FRMD4B: variants seen among roughly 807,000 people sequenced by gnomAD.
The protein encoded by FRMD4B is FERM domain-containing protein 4B.
In FRMD4B, 74 loss-of-function variants were observed where a neutral mutation model predicts 141.5. The ratio of observed to expected loss-of-function variants is 0.52; its 90% CI spans 0.43 to 0.63. The LOEUF (loss-of-function observed/expected upper bound fraction) is 0.63. Ranked by LOEUF, FRMD4B falls within the 30% of genes least tolerant of loss-of-function variation. The probability of loss-of-function intolerance (pLI) is 0.00; values close to 1 mark genes in which losing one functional copy is unlikely to be tolerated. For missense variants in FRMD4B, 1,366 were observed against 1,253.4 expected, an observed-to-expected ratio of 1.09 and a Z score of -1.36; for synonymous variants, 506 against 467.9, an observed-to-expected ratio of 1.08 and a Z score of -1.05.
intron 1 of FRMD4B, among the ~76,000 whole-genome samples, chr3:69,496,651 G>A (rs796818553): frequency 7.0e-6 from 1 of 143,310 alleles, no homozygotes; most frequent in Non-Finnish European, 1.6e-5. Context: ...GAGAGAGAGA[G>A]AGAGAGAGAG....
intron 4 of FRMD4B, among the ~76,000 whole-genome samples, chr3:69,293,592 C>A: frequency 6.6e-6 from 1 of 151,892 alleles, no homozygotes; most frequent in Admixed American, 6.6e-5. Flanking sequence ...AATAAAAATT[C>A]CAAGTATCTG....
chr3:69,522,590 C>A (rs1000970751), intron 1 of FRMD4B, among the ~76,000 whole-genome samples: 1 of 152,110 alleles, frequency 6.6e-6, no homozygotes, highest in Non-Finnish European at 1.5e-5. Context: ...TTCCATCAGG[C>A]TTCAGATGAC....
At chr3:69,300,365 G>A (rs771608028) in intron 4 of FRMD4B, among the ~76,000 whole-genome samples, 1 of 152,212 alleles carries the variant, frequency 6.6e-6, no homozygotes, top group Non-Finnish European at 1.5e-5. Flanking sequence ...CATGCAAGTA[G>A]TTAGGGGAAA....
intron 7 of FRMD4B, among the ~76,000 whole-genome samples, chr3:69,229,238 C>A (rs185372584): frequency 1.2e-3 from 182 of 152,142 alleles, no homozygotes; most frequent in African/African-American, 3.9e-3. Flanking sequence ...GTTGACCTGG[C>A]TGATCTCAAA....
At chr3:69,465,410 A>G (rs1705767279) in intron 1 of FRMD4B, among the ~76,000 whole-genome samples, 1 of 151,646 alleles carries the variant, frequency 6.6e-6, no homozygotes, top group Non-Finnish European at 1.5e-5. Context: ...TAAAATTATT[A>G]TTATACTTTA....
chr3:69,437,574 A>G (rs1705278308), intron 1 of FRMD4B, among the ~76,000 whole-genome samples: 1 of 141,356 alleles, frequency 7.1e-6, no homozygotes, highest in Non-Finnish European at 1.5e-5. Context: ...GTACTATTAT[A>G]TATCAGTATA....
intron 1 of FRMD4B, among the ~76,000 whole-genome samples, chr3:69,514,064 C>A (rs1172608542): frequency 6.6e-6 from 1 of 151,860 alleles, no homozygotes; most frequent in Non-Finnish European, 1.5e-5. Flanking sequence ...AGCAATTAGG[C>A]AAGAAAAAGA....
intron 1 of FRMD4B, among the ~76,000 whole-genome samples, chr3:69,465,574 C>T (rs967044619): frequency 1.3e-4 from 20 of 150,848 alleles, no homozygotes; most frequent in African/African-American, 4.6e-4. Context: ...CGGTGTGTGA[C>T]GTTCCCCACC....
At chr3:69,200,454 A>G in intron 11 of FRMD4B, 1 of 993,286 alleles carries the variant, frequency 1.0e-6, no homozygotes, top group Non-Finnish European at 1.2e-6. Flanking sequence ...ATGTGAGGAA[A>G]AACCTCAGGG....
chr3:69,326,259 T>A (rs1415359842), intron 1 of FRMD4B, among the ~76,000 whole-genome samples: 2 of 152,022 alleles, frequency 1.3e-5, no homozygotes, highest in Non-Finnish European at 2.9e-5. Context: ...GCCCAGCCTC[T>A]TCTACATTAT....
chr3:69,246,184 G>T (rs563815779), intron 7 of FRMD4B, among the ~76,000 whole-genome samples: 1 of 152,256 alleles, frequency 6.6e-6, no homozygotes, highest in East Asian at 1.9e-4. Context: ...GGCAGGGTGC[G>T]ATGGCTTGCA....
intron 20 of FRMD4B, among the ~76,000 whole-genome samples, 174 bp from the exon 21 acceptor site, chr3:69,181,884 T>C (rs993903697): frequency 6.6e-6 from 1 of 152,094 alleles, no homozygotes; most frequent in South Asian, 2.1e-4. Context: ...TTGGCTCACA[T>C]GTAGGTTCAT....
At chr3:69,182,922 C>A (rs1174874229) in intron 19 of FRMD4B, among the ~76,000 whole-genome samples, 1 of 151,960 alleles carries the variant, frequency 6.6e-6, no homozygotes, top group Non-Finnish European at 1.5e-5. Context: ...CTTTCTGAGT[C>A]ACAAATATGT....
At chr3:69,302,486 C>T in intron 3 of FRMD4B, 51 bp from the exon 4 acceptor site, 1 of 1,081,896 alleles carries the variant, frequency 9.2e-7, no homozygotes, top group Non-Finnish European at 1.4e-6. Flanking sequence ...CAGAAAAGTT[C>T]AACAACGTAC....
intron 1 of FRMD4B, among the ~76,000 whole-genome samples, chr3:69,497,685 T>C (rs1706424878): frequency 1.3e-5 from 2 of 152,140 alleles, no homozygotes; most frequent in Admixed American, 1.3e-4. Context: ...AACTATAATT[T>C]TTACCATTAC....
At chr3:69,535,967 G>C (rs1224991443) in intron 1 of FRMD4B, 2 of 383,874 alleles carry the variant, frequency 5.2e-6, no homozygotes, top group Non-Finnish European at 1.0e-5. Context: ...CTCCTTGGCT[G>C]CTCCTGCTGC....
At chr3:69,333,415 A>G (rs532386489) in intron 1 of FRMD4B, among the ~76,000 whole-genome samples, 1 of 152,328 alleles carries the variant, frequency 6.6e-6, no homozygotes, top group African/African-American at 2.4e-5. Context: ...TGAACCTGGA[A>G]AAGTCAAATG....
intron 1 of FRMD4B, among the ~76,000 whole-genome samples, chr3:69,483,715 T>C (rs929141515): frequency 2.6e-5 from 4 of 152,106 alleles, no homozygotes; most frequent in Non-Finnish European, 5.9e-5. Flanking sequence ...CTTCTAAAAA[T>C]AAAAGGCAAT....
rs774316609 is a variant in FRMD4B, at chr3:69,427,643, G to GTTTTT, written c.-1+4986_-1+4990dup. On this transcript the variant is annotated intron_variant, in intron 2 of 5. Transcript: ENST00000459638. ...GTGTTTAGTAAGAAGCTAGGTAAATGTTTTTTTTTTTTTTTTTTTTTTTTT... is the reference window on the plus strand; with the variant it reads ...GTGTTTAGTAAGAAGCTAGGTAAATGTTTTTTTTTTTTTTTTTTTTTTTTTTTTTT... 3.8e-3 allele frequency among the ~76,000 whole-genome samples: 139 copies of GTTTTT among 36,230 alleles called. 25 individuals carry two copies. Among genetic ancestry groups the GTTTTT allele is most frequent in the African/African-American group, 0.012 (117 of 9,382 alleles). The allele number at this position is 36,230 out of a possible 152,430, so 23.8% of individuals were successfully genotyped here. A position where few individuals can be genotyped will look rare whatever the true frequency, so the allele number is the denominator to read the frequency against.
Sources: gnomAD v4.1 joint callset for allele counts (sites outside exome capture counted in the v4.1 genomes callset) on GRCh38, gnomAD v4.1.1 for gene constraint, MANE v1.5 for transcripts, NCBI Gene and HGNC (gene_info 2026-07-23, HGNC 2026-07-21) for gene names.